GUCY2F: variants seen among roughly 807,000 people sequenced by gnomAD.
GUCY2F encodes the protein guanylate cyclase 2F, retinal.
GUCY2F carries 61 observed loss-of-function variants against 73.1 expected under a neutral mutation model. That is an observed-to-expected ratio of 0.83 (90% CI 0.68 to 1.03). The LOEUF is 1.03. Ranked by LOEUF, GUCY2F falls within the 50% of genes least tolerant of loss-of-function variation. The pLI is 0.00. For missense variants in GUCY2F, 912 were observed against 854.3 expected, an observed-to-expected ratio of 1.07 and a Z score of -0.84; for synonymous variants, 331 against 307.8, an observed-to-expected ratio of 1.08 and a Z score of -0.79.
intron 8 of GUCY2F, among the ~76,000 whole-genome samples, chrX:109,412,138 C>A (rs1204996323): frequency 9.0e-6 from 1 of 111,705 alleles, no homozygotes; most frequent in African/African-American, 3.3e-5. Context: ...ATATCTATAT[C>A]TATCTAAATA....
chrX:109,430,144 A>T (rs1475277194), intron 8 of GUCY2F, among the ~76,000 whole-genome samples, 163 bp downstream of exon 8: 1 of 112,394 alleles, frequency 8.9e-6, no homozygotes, highest in African/African-American at 3.2e-5. Context: ...TCCAGAGCAC[A>T]TACCTTTGCC....
intron 8 of GUCY2F, among the ~76,000 whole-genome samples, chrX:109,425,356 TGTG>T (rs1242078212): frequency 9.2e-6 from 1 of 108,565 alleles, no homozygotes; most frequent in African/African-American, 3.4e-5. Flanking sequence ...TGTGTGTGTG[TGTG>T]TGTGTGTGTA....
At chrX:109,422,709 A>G (rs1007417705) in intron 8 of GUCY2F, among the ~76,000 whole-genome samples, 1 of 112,083 alleles carries the variant, frequency 8.9e-6, no homozygotes, top group Non-Finnish European at 1.9e-5. Flanking sequence ...AGTGTGTTAT[A>G]GAGTTAAGTG....
intron 7 of GUCY2F, among the ~76,000 whole-genome samples, chrX:109,435,772 G>A (rs1271652235): frequency 9.0e-6 from 1 of 111,493 alleles, no homozygotes; most frequent in African/African-American, 3.3e-5. Context: ...GTTTGTCATA[G>A]ATAGCTCTTA....
intron 7 of GUCY2F, among the ~76,000 whole-genome samples, chrX:109,439,977 G>C (rs1490772085): frequency 8.9e-6 from 1 of 111,990 alleles, no homozygotes; most frequent in Non-Finnish European, 1.9e-5. Context: ...CCCTTCAAAA[G>C]TGTTCCAGCC....
intron 3 of GUCY2F, among the ~76,000 whole-genome samples, chrX:109,461,685 C>T (rs1932364934): frequency 1.8e-5 from 2 of 112,157 alleles, no homozygotes; most frequent in South Asian, 3.8e-4. Context: ...CCTGTTTCTG[C>T]GGTGTAACTA....
rs761290444 is a variant in GUCY2F at position 109,404,278 on chromosome X, A to C, written c.2125+50T>G. 8.8e-6 allele frequency: 8 copies of C among 908,912 alleles called. No homozygotes were observed. The South Asian group carries it at 9.6e-5, about 11-fold the overall frequency. The allele number at this position is 908,912 out of a possible 1,213,427, so 74.9% of individuals were successfully genotyped here. ...TTAATTCAGTGCATATTTTCATTTG[A>C]ACTTTGGAGTTACCTCGTGTGCATC... On this transcript the variant is annotated intron_variant, in intron 10 of 19. Coordinates refer to ENST00000218006, the MANE Select transcript of GUCY2F (RefSeq NM_001522.3).
At chrX:109,405,830 T>C (rs187971594) in intron 9 of GUCY2F, among the ~76,000 whole-genome samples, 1 of 111,833 alleles carries the variant, frequency 8.9e-6, no homozygotes, top group Admixed American at 9.5e-5. Context: ...GATTTGGATT[T>C]TATTATCAGC....
intron 4 of GUCY2F, 26 bp downstream of exon 4, chrX:109,453,479 A>G: frequency 9.9e-7 from 1 of 1,012,769 alleles, no homozygotes; most frequent in African/African-American, 1.9e-5. Context: ...AGCCAAATTG[A>G]CTACTAGTGA....
In GUCY2F at chrX:109,398,454, A is replaced by C. The variant is rs1478481626; in HGVS notation, c.2275+95T>G. On this transcript the variant is annotated intron_variant, in intron 11 of 19. Coordinates refer to ENST00000218006, the MANE Select transcript of GUCY2F (RefSeq NM_001522.3). ...GCTTGCAGACTATCAGGCTGTTAGC[A>C]CTAACACTCTTCTGGAAAATCATGA... The C allele has an allele frequency of 5.1e-6, 4 of 791,317 alleles. No homozygotes were observed. The South Asian group carries it at 7.6e-5, about 15-fold the overall frequency. The allele number at this position is 791,317 out of a possible 1,213,427, so 65.2% of individuals were successfully genotyped here.
intron 15 of GUCY2F, among the ~76,000 whole-genome samples, chrX:109,387,032 C>T: frequency 9.0e-6 from 1 of 111,452 alleles, no homozygotes; most frequent in African/African-American, 3.3e-5. Flanking sequence ...CACCAAGGAG[C>T]TTAAAGCCTA....
intron 17 of GUCY2F, among the ~76,000 whole-genome samples, chrX:109,380,793 G>A (rs184772156): frequency 1.1e-4 from 12 of 112,010 alleles, no homozygotes. Context: ...ATGCATTTTC[G>A]TTTTTCAGTT....
intron 8 of GUCY2F, among the ~76,000 whole-genome samples, chrX:109,421,044 A>G (rs1353907470): frequency 1.8e-5 from 2 of 111,422 alleles, no homozygotes; most frequent in African/African-American, 6.5e-5. Flanking sequence ...TAATAGAGAA[A>G]TGAAAATCAA....
intron 11 of GUCY2F, among the ~76,000 whole-genome samples, chrX:109,397,468 A>G (rs1182527451): frequency 8.9e-6 from 1 of 112,192 alleles, no homozygotes; most frequent in Non-Finnish European, 1.9e-5. Flanking sequence ...TTGAAAAAAA[A>G]TTAAACTTCC....
chrX:109,481,352 T>G (rs1207318054), intron 1 of GUCY2F, among the ~76,000 whole-genome samples: 1 of 112,063 alleles, frequency 8.9e-6, no homozygotes, highest in Non-Finnish European at 1.9e-5. Context: ...GGGATCAGAC[T>G]TCCATGGAAA....
Position 109,465,409 on chromosome X carries a change from C to T in GUCY2F, c.765G>A (p.Gly255=), listed in dbSNP as rs1269934298. The T allele has an allele frequency of 1.7e-6, 2 of 1,204,154 alleles. No homozygotes were observed. Among genetic ancestry groups the T allele is most frequent in the Non-Finnish European group, 2.2e-6 (2 of 889,648 alleles). ...CCAAGAGATGCATCTGAGTCTCTCC[C>T]CCAATCAAAGCTGAATGCATACACA... ...IIMCMHSALI[G]GETQMHLLEC... The change falls in exon 3 of 20, where the codon GGG becomes GGA. Residue 255 remains glycine (G), a synonymous_variant. Coordinates refer to ENST00000218006, the MANE Select transcript of GUCY2F (RefSeq NM_001522.3).
chrX:109,413,008 G>C (rs767231623), intron 8 of GUCY2F, among the ~76,000 whole-genome samples: 2 of 112,143 alleles, frequency 1.8e-5, no homozygotes, highest in Non-Finnish European at 3.8e-5. Flanking sequence ...GCTGTTATTT[G>C]GGTGAAAATT....
At chrX:109,432,474 G>A (rs1931639241) in intron 7 of GUCY2F, among the ~76,000 whole-genome samples, 1 of 112,185 alleles carries the variant, frequency 8.9e-6, no homozygotes, top group African/African-American at 3.2e-5. Context: ...CTATGTGTGG[G>A]AAAGACTGGT....
intron 7 of GUCY2F, among the ~76,000 whole-genome samples, chrX:109,434,469 C>T (rs2147269929): frequency 9.2e-6 from 1 of 109,230 alleles, no homozygotes; most frequent in South Asian, 4.3e-4. Context: ...ATGTCCTAAA[C>T]CTGTCTTTTG....
Sources: gnomAD v4.1 joint callset for allele counts (sites outside exome capture counted in the v4.1 genomes callset) on GRCh38, gnomAD v4.1.1 for gene constraint, MANE v1.5 for transcripts, NCBI Gene and HGNC (gene_info 2026-07-23, HGNC 2026-07-21) for gene names.